Variants in NELL2 observed in about 807,000 individuals in gnomAD.
The protein encoded by NELL2 is protein kinase C-binding protein NELL2.
NELL2 carries 41 observed loss-of-function variants against 109.6 expected under a neutral mutation model. The observed-to-expected ratio is 0.37, with a 90% CI of 0.29 to 0.49. NELL2 has a LOEUF of 0.49. Ranked by LOEUF, NELL2 falls within the 20% of genes least tolerant of loss-of-function variation. The pLI is 0.98. For missense variants in NELL2, 900 were observed against 1,008.3 expected (o/e 0.89, Z 1.45); for synonymous variants, 355 against 344.7 (o/e 1.03, Z -0.33).
chr12:44,796,967 C>T (rs1053357597), intron 3 of NELL2, among the ~76,000 whole-genome samples: 1 of 151,922 alleles, frequency 6.6e-6, no homozygotes, highest in Non-Finnish European at 1.5e-5. Context: ...AGAAAGAGCA[C>T]TTGGAGCTAT....
chr12:44,558,003 G>A (rs1943320332), intron 15 of NELL2, among the ~76,000 whole-genome samples: 1 of 152,140 alleles, frequency 6.6e-6, no homozygotes, highest in African/African-American at 2.4e-5. Flanking sequence ...ATTGAAATAA[G>A]CTAAAAAGTG....
intron 18 of NELL2, among the ~76,000 whole-genome samples, chr12:44,521,402 C>T (rs1193935382): frequency 5.3e-5 from 8 of 150,340 alleles, no homozygotes; most frequent in African/African-American, 9.8e-5. Context: ...TAGTGGCGGG[C>T]GCCTGTAGTC....
chr12:44,776,951 C>A, intron 7 of NELL2, 91 bp downstream of exon 7: 1 of 1,105,076 alleles, frequency 9.0e-7, no homozygotes, highest in Non-Finnish European at 1.4e-6. Context: ...TAAGAAGAGC[C>A]TCGAAGGTGA....
intron 15 of NELL2, among the ~76,000 whole-genome samples, chr12:44,561,703 A>T (rs1195450760): frequency 2.0e-5 from 3 of 152,232 alleles, no homozygotes; most frequent in Non-Finnish European, 4.4e-5. Flanking sequence ...TTCCATGCTC[A>T]TGGATAGGAA....
At chr12:44,757,447 A>C (rs1346665573) in intron 9 of NELL2, among the ~76,000 whole-genome samples, 1 of 152,072 alleles carries the variant, frequency 6.6e-6, no homozygotes, top group Admixed American at 6.6e-5. Flanking sequence ...AACAGCCCAC[A>C]TTATCTGGTC....
chr12:44,676,369 C>T (rs1473028608), intron 12 of NELL2, among the ~76,000 whole-genome samples: 1 of 151,946 alleles, frequency 6.6e-6, no homozygotes, highest in Non-Finnish European at 1.5e-5. Flanking sequence ...CAGTGAAATA[C>T]CAGTAAAGAA....
intron 12 of NELL2, among the ~76,000 whole-genome samples, chr12:44,689,458 T>C (rs2136392074): frequency 6.6e-6 from 1 of 152,084 alleles, no homozygotes; most frequent in East Asian, 1.9e-4. Context: ...AATGTAAGAG[T>C]TTTTCCTCTT....
chr12:44,786,209 A>G (rs924979845), intron 3 of NELL2, among the ~76,000 whole-genome samples: 13 of 152,340 alleles, frequency 8.5e-5, no homozygotes, highest in Admixed American at 7.2e-4. Flanking sequence ...CCCATCAAAA[A>G]GTGGGCAAAG....
intron 15 of NELL2, among the ~76,000 whole-genome samples, chr12:44,544,877 C>G (rs1443046661): frequency 2.0e-5 from 3 of 151,874 alleles, no homozygotes; most frequent in Non-Finnish European, 4.4e-5. Flanking sequence ...CAATTAGACC[C>G]AATTTGATGA....
intron 2 of NELL2, among the ~76,000 whole-genome samples, chr12:44,871,159 C>T (rs1199294899): frequency 6.6e-6 from 1 of 152,126 alleles, no homozygotes; most frequent in African/African-American, 2.4e-5. Flanking sequence ...ACTACTCTTA[C>T]ATATCCTTCA....
chr12:44,541,784 T>C (rs1286616397), intron 15 of NELL2, among the ~76,000 whole-genome samples: 1 of 152,242 alleles, frequency 6.6e-6, no homozygotes, highest in African/African-American at 2.4e-5. Flanking sequence ...TATTGTTCTA[T>C]GTAATTTACC....
chr12:44,813,150 G>A (rs559421618), intron 3 of NELL2, among the ~76,000 whole-genome samples: 1 of 152,246 alleles, frequency 6.6e-6, no homozygotes, highest in South Asian at 2.1e-4. Context: ...GAGTGGCAGA[G>A]CTATGACTGG....
intron 16 of NELL2, among the ~76,000 whole-genome samples, chr12:44,527,287 GAC>G (rs1235189427): frequency 6.6e-6 from 1 of 152,120 alleles, no homozygotes; most frequent in Admixed American, 6.5e-5. Context: ...GCAATAATGG[GAC>G]ATGTGGGCAT....
At chr12:44,590,895 T>C (rs1004455824) in intron 15 of NELL2, among the ~76,000 whole-genome samples, 1 of 142,232 alleles carries the variant, frequency 7.0e-6, no homozygotes, top group South Asian at 2.2e-4. Flanking sequence ...ATGCAGAATA[T>C]ACAAAAAAAA....
chr12:44,918,512 C>CGT (rs1945844934), upstream of NELL2, among the ~76,000 whole-genome samples: 2 of 113,302 alleles, frequency 1.8e-5, no homozygotes, highest in South Asian at 3.1e-4. Flanking sequence ...TTCATGCATG[C>CGT]ATGTATGTGT....
chr12:44,638,163 C>T (rs1946717626), intron 13 of NELL2, among the ~76,000 whole-genome samples: 1 of 152,062 alleles, frequency 6.6e-6, no homozygotes, highest in Admixed American at 6.6e-5. Context: ...ACTCCTGAAA[C>T]ATCCCTTCCT....
chr12:44,526,593 TAGAA>T (rs1351991652), intron 16 of NELL2, among the ~76,000 whole-genome samples: 2 of 152,142 alleles, frequency 1.3e-5, no homozygotes, highest in East Asian at 3.9e-4. Context: ...TGGGGACGCA[TAGAA>T]AGAGACAACA....
At chr12:44,614,685 T>C (rs903148952) in intron 13 of NELL2, among the ~76,000 whole-genome samples, 10 of 152,234 alleles carry the variant, frequency 6.6e-5, no homozygotes, top group African/African-American at 2.2e-4. Context: ...TAAGATTCCA[T>C]ATCCAACAGT....
At chr12:44,648,512 C>T (rs1054444900) in intron 13 of NELL2, among the ~76,000 whole-genome samples, 1 of 151,956 alleles carries the variant, frequency 6.6e-6, no homozygotes, top group Admixed American at 6.6e-5. Flanking sequence ...GAGTGTTACT[C>T]TGTGGGCGAT....
Sources: allele counts gnomAD v4.1 joint callset (sites outside exome capture counted in the v4.1 genomes callset), GRCh38; gene constraint gnomAD v4.1.1; transcripts MANE v1.5; gene names NCBI Gene and HGNC (gene_info 2026-07-23, HGNC 2026-07-21).